Variants in WASHC4 observed in about 807,000 individuals in gnomAD.
The protein encoded by WASHC4 is WASH complex subunit 7.
WASHC4 carries 86 observed loss-of-function variants against 166.6 expected under a neutral mutation model. The ratio of observed to expected loss-of-function variants is 0.52; its 90% CI spans 0.43 to 0.62. WASHC4 has a LOEUF of 0.62. Ranked by LOEUF, WASHC4 falls within the 20% of genes least tolerant of loss-of-function variation. The pLI is 0.00. For synonymous variants in WASHC4, 446 were observed against 451.6 expected, an observed-to-expected ratio of 0.99 and a Z score of 0.16; for missense variants, 1,262 against 1,382.4, an observed-to-expected ratio of 0.91 and a Z score of 1.38.
At chr12:105,126,925 A>G (rs369276194) in intron 12 of WASHC4, among the ~76,000 whole-genome samples, 12 of 152,082 alleles carry the variant, frequency 7.9e-5, no homozygotes, top group East Asian at 7.7e-4. Flanking sequence ...AGGTGAATAA[A>G]ATTGTCATGC....
chr12:105,118,354 T>G, intron 6 of WASHC4, 92 bp from the exon 7 acceptor site: 1 of 923,006 alleles, frequency 1.1e-6, no homozygotes, highest in Non-Finnish European at 1.8e-6. Flanking sequence ...AAAACTGTTT[T>G]GTTTTTGTTA....
intron 18 of WASHC4, among the ~76,000 whole-genome samples, chr12:105,142,006 G>A (rs1882899995): frequency 1.2e-5 from 1 of 84,502 alleles, no homozygotes; most frequent in Non-Finnish European, 2.3e-5. Context: ...TTTTGGGGCG[G>A]GGGGGGTCAC....
chr12:105,126,991 A>G, intron 12 of WASHC4, 138 bp from the exon 13 acceptor site: 1 of 720,294 alleles, frequency 1.4e-6, no homozygotes, highest in Non-Finnish European at 2.4e-6. Context: ...TATTTGTCTC[A>G]TAATATATTA....
rs1317369403 is a variant in WASHC4 at position 105,133,830 on chromosome 12, G to C, written c.1260G>C (p.Leu420Phe). The C allele has an allele frequency of 2.5e-6, 4 of 1,611,166 alleles. No homozygotes were observed. The Admixed American group carries it at 5.0e-5, about 20-fold the overall frequency. ...GGATGATGAAAATGGAATCTATTTT[G>C]TCTAAAGAGCAGAGAATGGATAAAT... ...SSWMMKMESI[L>F]SKEQRMDKFA... Residue 420 changes from leucine to phenylalanine, a missense_variant, in exon 14 of 33, where the codon TTG (leucine) becomes TTC (phenylalanine). Physicochemically the swap from Leu to Phe is conservative, Grantham distance 22 (BLOSUM62 0). Coordinates refer to ENST00000332180, the MANE Select transcript of WASHC4 (RefSeq NM_015275.3).
intron 2 of WASHC4, among the ~76,000 whole-genome samples, chr12:105,113,631 A>T (rs867281655): frequency 2.0e-5 from 3 of 152,082 alleles, no homozygotes; most frequent in South Asian, 4.1e-4. Context: ...ACTTGCATAA[A>T]TAGTTAGTTA....
chr12:105,109,335 A>G (rs1275590380), intron 1 of WASHC4, among the ~76,000 whole-genome samples: 1 of 152,224 alleles, frequency 6.6e-6, no homozygotes, highest in Non-Finnish European at 1.5e-5. Flanking sequence ...CTGGAGTAGA[A>G]TGGTCTGATT....
chr12:105,122,833 A>G (rs1215366195), intron 10 of WASHC4, among the ~76,000 whole-genome samples: 2 of 152,192 alleles, frequency 1.3e-5, no homozygotes, highest in Admixed American at 6.5e-5. Flanking sequence ...TGACTGCTTT[A>G]TCAACTGGCT....
intron 13 of WASHC4, among the ~76,000 whole-genome samples, chr12:105,130,445 G>A (rs1355715008): frequency 6.6e-6 from 1 of 152,210 alleles, no homozygotes; most frequent in Non-Finnish European, 1.5e-5. Context: ...CACATGATGA[G>A]ATTTTGTTTC....
chr12:105,128,254 A>G (rs2135756338), intron 13 of WASHC4, among the ~76,000 whole-genome samples: 1 of 152,368 alleles, frequency 6.6e-6, no homozygotes, highest in Non-Finnish European at 1.5e-5. Context: ...AGGTCTACTC[A>G]TTTCAGAACT....
intron 10 of WASHC4, 80 bp downstream of exon 10, chr12:105,122,318 T>C: frequency 2.9e-6 from 4 of 1,394,090 alleles, no homozygotes; most frequent in Non-Finnish European, 4.0e-6. Flanking sequence ...GACACTTTTA[T>C]AATATACTGT....
chr12:105,167,247 A>C lies in WASHC4; in HGVS notation c.*316A>C, dbSNP rs1884860853. On this transcript the variant is annotated 3_prime_UTR_variant, in exon 33 of 33. Transcript: ENST00000332180. ...TCACCTCGGATTTCTTGTAATCTAC[A>C]TGTTTGTAATTTGTATTTGCATAGA... 3.1e-6 allele frequency: 1 copy of C among 325,162 alleles called. No individual in the cohort carries two copies. The highest frequency in any genetic ancestry group is 4.5e-5 in the Admixed American group (1 of 21,984). The allele number at this position is 325,162 out of a possible 1,614,324, so 20.1% of individuals were successfully genotyped here.
At chr12:105,150,540 T>C (rs1407587506) in intron 25 of WASHC4, among the ~76,000 whole-genome samples, 1 of 152,172 alleles carries the variant, frequency 6.6e-6, no homozygotes, top group Non-Finnish European at 1.5e-5. Context: ...ATCCAGCACT[T>C]TGAGAGGCTA....
intron 15 of WASHC4, among the ~76,000 whole-genome samples, chr12:105,139,778 T>TA (rs1296907465): frequency 6.6e-6 from 1 of 152,102 alleles, no homozygotes; most frequent in Non-Finnish European, 1.5e-5. Context: ...ACCTGGTAGA[T>TA]ATTTTGTGAT....
intron 9 of WASHC4, among the ~76,000 whole-genome samples, chr12:105,121,905 A>G (rs1404507938): frequency 6.6e-6 from 1 of 152,122 alleles, no homozygotes; most frequent in Non-Finnish European, 1.5e-5. Flanking sequence ...TACTTATTAA[A>G]TGTCTGGTAT....
At position 105,148,944 on chromosome 12, in the gene WASHC4, A is replaced by G. The variant is rs376047155; in HGVS notation, c.2515-671A>G. 3.0e-6 allele frequency: 3 copies of G among 985,098 alleles called. No individual in the cohort carries two copies. The East Asian group carries it at 3.4e-4, about 112-fold the overall frequency. The allele number at this position is 985,098 out of a possible 1,614,324, so 61.0% of individuals were successfully genotyped here. ...TCACTTTCTTAGGATTTTCTGAGTC[A>G]AGGGCTTTTTGTTATTTATTGTCAA... On this transcript the variant is annotated intron_variant, in intron 24 of 32. Coordinates refer to ENST00000332180, the MANE Select transcript of WASHC4 (RefSeq NM_015275.3).
intron 32 of WASHC4, among the ~76,000 whole-genome samples, chr12:105,165,187 T>G (rs2135848477): frequency 6.6e-6 from 1 of 152,346 alleles, no homozygotes; most frequent in Admixed American, 6.5e-5. Flanking sequence ...AATAGCATCC[T>G]GCCTTCTTTC....
chr12:105,122,375 AC>A, intron 10 of WASHC4, 137 bp downstream of exon 10: 16 of 838,174 alleles, frequency 1.9e-5, no homozygotes, highest in Non-Finnish European at 3.0e-5. Context: ...AATTATTGTT[AC>A]AGTACTAAAA....
intron 26 of WASHC4, among the ~76,000 whole-genome samples, chr12:105,155,933 A>T (rs1884131125): frequency 6.6e-6 from 1 of 152,210 alleles, no homozygotes. Context: ...GGAATGTGGC[A>T]GGATGCTAAA....
chr12:105,115,271 A>G, intron 5 of WASHC4, 42 bp downstream of exon 5: 2 of 1,181,064 alleles, frequency 1.7e-6, no homozygotes, highest in Non-Finnish European at 1.3e-6. Flanking sequence ...TTTGATATTG[A>G]AATGAACAAA....
Sources: allele counts gnomAD v4.1 joint callset (sites outside exome capture counted in the v4.1 genomes callset), GRCh38; gene constraint gnomAD v4.1.1; transcripts MANE v1.5; gene names NCBI Gene and HGNC (gene_info 2026-07-23, HGNC 2026-07-21).